DBNL: variants seen among roughly 807,000 people sequenced by gnomAD.
DBNL encodes the protein drebrin like.
Under a neutral mutation model 62.2 loss-of-function variants are expected in DBNL, and 35 were observed. That is an observed-to-expected ratio of 0.56 (90% CI 0.43 to 0.75). The LOEUF (loss-of-function observed/expected upper bound fraction) is 0.75. DBNL is among the 30% of genes least tolerant of loss of function. The probability of loss-of-function intolerance (pLI) is 0.00; values close to 1 mark genes in which losing one functional copy is unlikely to be tolerated. For missense variants in DBNL, 495 were observed against 578.4 expected (o/e 0.86, Z 1.48); for synonymous variants, 197 against 218.0 (o/e 0.90, Z 0.85).
chr7:44,045,310 C>A (rs1392411065), intron 1 of DBNL, among the ~76,000 whole-genome samples: 1 of 152,196 alleles, frequency 6.6e-6, no homozygotes, highest in Admixed American at 6.5e-5. Flanking sequence ...TGAGCCCTGC[C>A]CTGGGGGCTT....
At chr7:44,058,823 A>G in intron 8 of DBNL, 79 bp from the exon 9 acceptor site, 2 of 1,563,934 alleles carry the variant, frequency 1.3e-6, no homozygotes, top group Non-Finnish European at 1.8e-6. Flanking sequence ...TACTGGGCCG[A>G]CAGCTGGAGG....
chr7:44,051,803 CT>C, intron 2 of DBNL, 26 bp from the exon 3 acceptor site: 1 of 1,611,770 alleles, frequency 6.2e-7, no homozygotes, highest in Non-Finnish European at 8.5e-7. Context: ...AGGGCCACCC[CT>C]GACCTTCACT....
chr7:44,054,621 C>G (rs190239880), intron 4 of DBNL, among the ~76,000 whole-genome samples: 42 of 152,278 alleles, frequency 2.8e-4, no homozygotes, highest in African/African-American at 8.2e-4. Context: ...AAACATTTAT[C>G]TTTTCTTTGT....
chr7:44,066,591 GGGTA>G lies in DBNL; in HGVS notation c.*5679_*5682del, dbSNP rs1353807537. On this transcript the variant is annotated 3_prime_UTR_variant, in exon 13 of 13. Coordinates refer to ENST00000448521, the MANE Select transcript of DBNL (RefSeq NM_001014436.3). Reference sequence around the variant, plus strand: ...CTGCGACACTTCTGATAACAGGAGCGGGTAGGTGAGAGGCCAGCAGAGGGACCAC... The same window carrying G: ...CTGCGACACTTCTGATAACAGGAGCGGGTGAGAGGCCAGCAGAGGGACCAC... 2.6e-5 allele frequency: 4 copies of G among 152,422 alleles called. No homozygotes were observed. Among genetic ancestry groups the G allele is most frequent in the Non-Finnish European group, 5.9e-5 (4 of 68,070 alleles). The allele number at this position is 152,422 out of a possible 1,614,324, so 9.4% of individuals were successfully genotyped here. A position where few individuals can be genotyped will look rare whatever the true frequency, so the allele number is the denominator to read the frequency against.
Position 44,065,751 on chromosome 7 carries a change from C to T in DBNL, c.*4835C>T. ...TAAAATAGCCCCACGCATCCACCAG[C>T]TCCTGGCCTGGGTTCAGGTGGCATG... On this transcript the variant is annotated 3_prime_UTR_variant, in exon 13 of 13. Transcript: ENST00000448521. 1.7e-6 allele frequency: 1 copy of T among 602,404 alleles called. No individual in the cohort carries two copies. The highest frequency in any genetic ancestry group is 3.0e-6 in the Non-Finnish European group (1 of 336,142). 37.3% of individuals were successfully genotyped at this position (602,404 alleles called of 1,614,324 possible). A position where few individuals can be genotyped will look rare whatever the true frequency, so the allele number is the denominator to read the frequency against.
Position 44,063,265 on chromosome 7 carries a change from T to G in DBNL, c.*2349T>G, listed in dbSNP as rs564821829. 3.0e-3 allele frequency: 880 copies of G among 294,466 alleles called. 3 individuals carry two copies. Among genetic ancestry groups the G allele is most frequent in the South Asian group, 4.6e-3 (120 of 25,898 alleles). The allele number at this position is 294,466 out of a possible 1,614,324, so 18.2% of individuals were successfully genotyped here. On this transcript the variant is annotated 3_prime_UTR_variant, in exon 13 of 13. Coordinates refer to ENST00000448521, the MANE Select transcript of DBNL (RefSeq NM_001014436.3). The stretch of plus-strand genomic sequence containing the variant: ...TCAGGAAGGGACACTCACCCTTTGT[T>G]TTTTTTTTTTCTTTTCTTTTTCTTT...
In DBNL at chr7:44,050,092, C is replaced by T. The variant is rs567050859; in HGVS notation, c.84-133C>T. 6.8e-5 allele frequency: 65 copies of T among 951,652 alleles called. 1 individual carries two copies. Among genetic ancestry groups the T allele is most frequent in the Middle Eastern group, 5.1e-4 (2 of 3,956 alleles). The allele number at this position is 951,652 out of a possible 1,614,324, so 59.0% of individuals were successfully genotyped here. A position where few individuals can be genotyped will look rare whatever the true frequency, so the allele number is the denominator to read the frequency against. On this transcript the variant is annotated intron_variant, in intron 1 of 12. Transcript: ENST00000448521. ...CTAGTGGGTCAGAGCAAAGTGAGAA[C>T]GGGCCTGTGCCCACCCACAGTGTTA...
rs1352059755 is a variant in DBNL at position 44,064,153 on chromosome 7, C to G, written c.*3237C>G. 6.5e-6 allele frequency: 1 copy of G among 153,860 alleles called. No homozygotes were observed. The highest frequency in any genetic ancestry group is 6.5e-5 in the Admixed American group (1 of 15,494). 9.5% of individuals were successfully genotyped at this position (153,860 alleles called of 1,614,324 possible). ...TGTGTCAGAATACTAAGGTGGGAGGCGGAGCGGAGGTGCCAGTCACTCTGG... is the reference window on the plus strand; with the variant it reads ...TGTGTCAGAATACTAAGGTGGGAGGGGGAGCGGAGGTGCCAGTCACTCTGG... On this transcript the variant is annotated 3_prime_UTR_variant, in exon 13 of 13. Coordinates refer to ENST00000448521, the MANE Select transcript of DBNL (RefSeq NM_001014436.3).
Position 44,059,781 on chromosome 7 carries a change from G to A in DBNL, c.1047+123G>A, listed in dbSNP as rs2096144854. ...TTAAAGCACATGCATTTTTGGAGCA[G>A]CCCTGTGTTATAAATTGTCAGGGCA... is the stretch of plus-strand genomic sequence containing the variant. On this transcript the variant is annotated intron_variant, in intron 11 of 12. Coordinates refer to ENST00000448521, the MANE Select transcript of DBNL (RefSeq NM_001014436.3). This position sits in a 1 kb window ranked among gnomAD's most constrained non-coding sequence, Gnocchi z 4.1. The A allele has an allele frequency of 2.0e-6, 2 of 1,014,916 alleles. No homozygotes were observed. The highest frequency in any genetic ancestry group is 2.8e-6 in the Non-Finnish European group (2 of 703,072). The allele number at this position is 1,014,916 out of a possible 1,614,324, so 62.9% of individuals were successfully genotyped here. A position where few individuals can be genotyped will look rare whatever the true frequency, so the allele number is the denominator to read the frequency against.
At chr7:44,057,055 TGACCA>T (rs2096137768) in intron 5 of DBNL, 152 bp downstream of exon 5, 1 of 1,197,312 alleles carries the variant, frequency 8.4e-7, no homozygotes. Flanking sequence ...GATTGCCCAC[TGACCA>T]GATGAGCAGG....
Position 44,068,890 on chromosome 7 carries a change from A to T in DBNL, c.*7974A>T, listed in dbSNP as rs920570565. On this transcript the variant is annotated 3_prime_UTR_variant, in exon 13 of 13. Coordinates refer to ENST00000448521, the MANE Select transcript of DBNL (RefSeq NM_001014436.3). ...CTTCTGAAAACTAAAGACCAAGAAA[A>T]ATAAGATCAGCCAGAGAAAAACGAT... 6.6e-6 allele frequency: 1 copy of T among 152,356 alleles called. No homozygotes were observed. The highest frequency in any genetic ancestry group is 1.5e-5 in the Non-Finnish European group (1 of 68,038). The allele number at this position is 152,356 out of a possible 1,614,324, so 9.4% of individuals were successfully genotyped here.
At chr7:44,044,896 C>G in intron 1 of DBNL, 76 bp downstream of exon 1, 8 of 1,248,060 alleles carry the variant, frequency 6.4e-6, no homozygotes, top group South Asian at 1.8e-5. Context: ...GCGGGGGACT[C>G]GGGGGGAGCG....
In DBNL at chr7:44,064,451, A is replaced by G. The variant is rs537772252; in HGVS notation, c.*3535A>G. The G allele has an allele frequency of 1.3e-5, 4 of 311,732 alleles. No homozygotes were observed. The highest frequency in any genetic ancestry group is 1.2e-4 in the South Asian group (4 of 33,340). 19.3% of individuals were successfully genotyped at this position (311,732 alleles called of 1,614,324 possible). A position where few individuals can be genotyped will look rare whatever the true frequency, so the allele number is the denominator to read the frequency against. ...CAGGGGGAGCTCCCCACCACCCCGG[A>G]AAAGGGAGAGGCCCAGAGATGGAGG... On this transcript the variant is annotated 3_prime_UTR_variant, in exon 13 of 13. Coordinates refer to ENST00000448521, the MANE Select transcript of DBNL (RefSeq NM_001014436.3).
chr7:44,065,243 G>C lies in DBNL; in HGVS notation c.*4327G>C. ...GGCCGTTTCTGCCTTGTTGAGGCCT[G>C]TGAGGCCCCCGTAATGCCGCTCATT... On this transcript the variant is annotated 3_prime_UTR_variant, in exon 13 of 13. Transcript: ENST00000448521. The C allele has an allele frequency of 6.2e-7, 1 of 1,613,906 alleles. No individual in the cohort carries two copies. Among genetic ancestry groups the C allele is most frequent in the Non-Finnish European group, 8.5e-7 (1 of 1,180,048 alleles).
intron 4 of DBNL, among the ~76,000 whole-genome samples, chr7:44,055,767 T>C (rs544323982): frequency 6.6e-6 from 1 of 152,356 alleles, no homozygotes; most frequent in South Asian, 2.1e-4. Context: ...TATTATTTTT[T>C]TGCTACTGAG....
rs547852211 is a variant in DBNL at position 44,064,729 on chromosome 7, C to T, written c.*3813C>T. 54 of 1,018,666 alleles carry T rather than the reference C, an allele frequency of 5.3e-5. No homozygotes were observed. The African/African-American group carries it at 6.0e-4, about 11-fold the overall frequency. The allele number at this position is 1,018,666 out of a possible 1,614,324, so 63.1% of individuals were successfully genotyped here. On this transcript the variant is annotated 3_prime_UTR_variant, in exon 13 of 13. Transcript: ENST00000448521. Reference sequence around the variant, plus strand: ...TTTCAGTGAATGATGTGGAGCCCCACGCCTAGAAAGCCTGGTCCATGGGCG... The same window carrying T: ...TTTCAGTGAATGATGTGGAGCCCCATGCCTAGAAAGCCTGGTCCATGGGCG...
chr7:44,057,723 G>A, intron 5 of DBNL, 59 bp from the exon 6 acceptor site: 2 of 1,596,764 alleles, frequency 1.3e-6, no homozygotes, highest in Admixed American at 3.3e-5. Flanking sequence ...CTCCTTTGGT[G>A]CCTGTGGGCC....
At position 44,065,214 on chromosome 7, in the gene DBNL, TGGC is replaced by T. The variant is rs769549607; in HGVS notation, c.*4302_*4304del. 36 of 1,613,938 alleles carry T rather than the reference TGGC, an allele frequency of 2.2e-5. No homozygotes were observed. Among genetic ancestry groups the T allele is most frequent in the Admixed American group, 3.3e-5 (2 of 60,000 alleles). ...ATCTTCACCTGCTCCTCCCCGTGCTTGGCGGCCGTTTCTGCCTTGTTGAGGCCT... is the reference window on the plus strand; with the variant it reads ...ATCTTCACCTGCTCCTCCCCGTGCTTGGCCGTTTCTGCCTTGTTGAGGCCT... On this transcript the variant is annotated 3_prime_UTR_variant, in exon 13 of 13. Transcript: ENST00000448521.
rs1449138250 is a variant in DBNL, at chr7:44,058,215, G to A, written c.639G>A (p.Glu213=). The A allele has an allele frequency of 1.3e-6, 2 of 1,567,990 alleles. No individual in the cohort carries two copies. Among genetic ancestry groups the A allele is most frequent in the Admixed American group, 1.9e-5 (1 of 52,316 alleles). The change falls in exon 7 of 13, where the codon GAG becomes GAA. Residue 213 remains glutamate (E), a synonymous_variant. Coordinates refer to ENST00000448521, the MANE Select transcript of DBNL (RefSeq NM_001014436.3). ...RQLEQERRER[E]LREAARREQR... ...TGGAGCAGGAGCGCCGGGAGCGTGA[G>A]CTGCGTGAGGCTGCACGCCGGGAGC...
Sources: gnomAD v4.1 joint callset for allele counts (sites outside exome capture counted in the v4.1 genomes callset) on GRCh38, gnomAD v4.1.1 for gene constraint, Gnocchi (gnomAD v3.1) non-coding constraint, MANE v1.5 for transcripts, NCBI Gene and HGNC (gene_info 2026-07-23, HGNC 2026-07-21) for gene names.